Variants in EPC1 observed in about 807,000 individuals in gnomAD.
EPC1 encodes enhancer of polycomb 1, also known as enhancer of polycomb homolog 1.
EPC1 carries 12 observed loss-of-function variants against 98.4 expected under a neutral mutation model. The observed-to-expected ratio is 0.12, with a 90% CI of 0.08 to 0.20. EPC1 has a LOEUF of 0.20. EPC1 is among the 10% of genes least tolerant of loss of function. The probability of loss-of-function intolerance (pLI) is 1.00; values close to 1 mark genes in which losing one functional copy is unlikely to be tolerated. For synonymous variants in EPC1, 357 were observed against 363.9 expected (o/e 0.98, Z 0.21); for missense variants, 729 against 990.5 (o/e 0.74, Z 3.54).
At chr10:32,270,129 C>T (rs1011631534) in intron 13 of EPC1, among the ~76,000 whole-genome samples, 1 of 152,100 alleles carries the variant, frequency 6.6e-6, no homozygotes. Flanking sequence ...CCTCTTTGCC[C>T]GAAGACTAAC....
At chr10:32,326,005 TAA>T (rs971930944) in intron 1 of EPC1, among the ~76,000 whole-genome samples, 1 of 152,180 alleles carries the variant, frequency 6.6e-6, no homozygotes, top group African/African-American at 2.4e-5. Flanking sequence ...GGAAGAAGGA[TAA>T]AGACCTTAAA....
chr10:32,345,136 T>A (rs1461661139), intron 1 of EPC1: 2 of 977,886 alleles, frequency 2.0e-6, no homozygotes, highest in Non-Finnish European at 2.4e-6. Flanking sequence ...CTTTAATTTT[T>A]AAAAACAAAT....
chr10:32,320,514 TCA>T (rs1204922018), intron 1 of EPC1, among the ~76,000 whole-genome samples: 1 of 152,256 alleles, frequency 6.6e-6, no homozygotes, highest in African/African-American at 2.4e-5. Flanking sequence ...AGAAGAATCC[TCA>T]CAGATTTTAT....
chr10:32,295,447 T>C (rs186406056), intron 2 of EPC1, among the ~76,000 whole-genome samples: 29 of 152,356 alleles, frequency 1.9e-4, no homozygotes, highest in African/African-American at 5.8e-4. Flanking sequence ...ATATCACTTC[T>C]ATAACATTCC....
upstream of EPC1, chr10:32,347,346 G>C (rs940213412): frequency 3.7e-5 from 12 of 326,656 alleles, no homozygotes; most frequent in Admixed American, 6.1e-4. Flanking sequence ...TCGCGGGTCC[G>C]GGGGCGGACA....
At chr10:32,312,743 C>A (rs1836318787) in intron 1 of EPC1, among the ~76,000 whole-genome samples, 1 of 150,158 alleles carries the variant, frequency 6.7e-6, no homozygotes, top group Non-Finnish European at 1.5e-5. Context: ...TGTGCACGCA[C>A]ACACAGTTTT....
intron 1 of EPC1, among the ~76,000 whole-genome samples, chr10:32,319,877 C>A (rs1836788023): frequency 6.6e-6 from 1 of 152,132 alleles, no homozygotes; most frequent in South Asian, 2.1e-4. Flanking sequence ...CAGAGTTTCA[C>A]CATTTTGGCC....
intron 1 of EPC1, among the ~76,000 whole-genome samples, chr10:32,333,209 G>A (rs920753361): frequency 1.3e-5 from 2 of 152,154 alleles, no homozygotes; most frequent in Non-Finnish European, 2.9e-5. Flanking sequence ...GCATGGTGGC[G>A]TGCGCCTGTA....
chr10:32,336,221 G>A (rs2479342), intron 1 of EPC1, among the ~76,000 whole-genome samples: 145,217 of 152,108 alleles, frequency 0.95, 69,681 homozygotes, highest in Middle Eastern at 1. Flanking sequence ...GGCGTCTGCC[G>A]CCATGTCCAG....
At chr10:32,323,922 T>G (rs1837095045) in intron 1 of EPC1, among the ~76,000 whole-genome samples, 1 of 152,170 alleles carries the variant, frequency 6.6e-6, no homozygotes, top group Non-Finnish European at 1.5e-5. Context: ...TAAATTGTTA[T>G]TAGAAATAGT....
chr10:32,294,931 C>A (rs1214427372), intron 2 of EPC1, among the ~76,000 whole-genome samples: 1 of 152,056 alleles, frequency 6.6e-6, no homozygotes, highest in Non-Finnish European at 1.5e-5. Context: ...CAGGCCTTTA[C>A]AAAAATCCCT....
intron 1 of EPC1, among the ~76,000 whole-genome samples, chr10:32,375,980 G>A (rs1022807274): frequency 6.6e-6 from 1 of 151,832 alleles, no homozygotes; most frequent in Admixed American, 6.6e-5. Flanking sequence ...AAAAAATAAT[G>A]TTCAAGGAAT....
At chr10:32,269,752 T>G (rs1261880934) in intron 13 of EPC1, among the ~76,000 whole-genome samples, 1 of 152,216 alleles carries the variant, frequency 6.6e-6, no homozygotes. Flanking sequence ...ACAGATGAGC[T>G]ATATAATTAG....
intron 10 of EPC1, chr10:32,282,021 T>G (rs375999055): frequency 2.6e-5 from 4 of 151,988 alleles, no homozygotes; most frequent in African/African-American, 9.7e-5. Context: ...TTAAGTGAAA[T>G]GCACTTATGA....
At position 32,305,852 on chromosome 10, in the gene EPC1, T is replaced by C. The variant is rs749770114; in HGVS notation, c.233A>G (p.Glu78Gly). ...ATAGTAAGCAATATTACTTTCTGCCTCTGGGACCGGTATAACCATATTATC... is the reference window on the plus strand; with the variant it reads ...ATAGTAAGCAATATTACTTTCTGCCCCTGGGACCGGTATAACCATATTATC... ...KRDNMVIPVP[E>G]AESNIAYYES... Residue 78 changes from glutamate (E) to glycine (G), a missense_variant, in exon 2 of 14, where the codon GAG becomes GGG. By Grantham distance (98) the Glu-to-Gly change is moderately conservative. Coordinates refer to ENST00000319778, the MANE Select transcript of EPC1 (RefSeq NM_001272004.3). The C allele has an allele frequency of 2.5e-6, 4 of 1,613,632 alleles. No homozygotes were observed. Among genetic ancestry groups the C allele is most frequent in the Non-Finnish European group, 3.4e-6 (4 of 1,179,784 alleles).
At chr10:32,341,263 A>G (rs986341913) in intron 1 of EPC1, among the ~76,000 whole-genome samples, 1 of 152,224 alleles carries the variant, frequency 6.6e-6, no homozygotes, top group Non-Finnish European at 1.5e-5. Context: ...ACATCTTTAC[A>G]TACATAAAAA....
chr10:32,296,018 G>C (rs1430996203), intron 2 of EPC1, among the ~76,000 whole-genome samples: 4 of 151,900 alleles, frequency 2.6e-5, no homozygotes, highest in Admixed American at 2.6e-4. Context: ...CTGCCGCCCG[G>C]GTTCAAGCGA....
chr10:32,271,566 T>G lies in EPC1; in HGVS notation c.2357A>C (p.Asp786Ala), dbSNP rs1258093743. ...VSKVPSSSSV[D>A]SVPRENHESE... ...AATAACTACTCACCTTGGAACTGAA[T>G]CTACAGAGGATGAAGATGGGACCTT... The change falls in exon 13 of 14, where the codon GAT becomes GCT. Residue 786 changes from aspartate to alanine, a missense_variant. Asp to Ala is a moderately radical substitution (Grantham distance 126). Around this residue, in one of 6 missense-constraint regions of EPC1, gnomAD observed 156 missense variants for 188.9 expected, o/e 0.83. Transcript: ENST00000319778. 43 of 1,613,854 alleles carry G rather than the reference T, an allele frequency of 2.7e-5. No individual in the cohort carries two copies. The highest frequency in any genetic ancestry group is 3.5e-5 in the Non-Finnish European group (41 of 1,179,746).
chr10:32,295,993 G>A (rs1835133510), intron 2 of EPC1, among the ~76,000 whole-genome samples: 2 of 151,320 alleles, frequency 1.3e-5, no homozygotes, highest in African/African-American at 4.9e-5. Flanking sequence ...GGGCGATCTC[G>A]GCTTACTGCA....
Sources: gnomAD v4.1 joint callset for allele counts (sites outside exome capture counted in the v4.1 genomes callset) on GRCh38, gnomAD v4.1.1 for gene constraint, gnomAD v4.1.1 regional missense constraint, MANE v1.5 for transcripts, NCBI Gene and HGNC (gene_info 2026-07-23, HGNC 2026-07-21) for gene names.